Variants in BSN observed in about 807,000 individuals in gnomAD.
BSN encodes the protein protein bassoon.
A neutral mutation model predicts 264.8 loss-of-function variants in BSN; 57 were observed. The ratio of observed to expected loss-of-function variants is 0.22; its 90% confidence interval spans 0.17 to 0.27. The LOEUF (loss-of-function observed/expected upper bound fraction) is 0.27. BSN is among the 10% of genes least tolerant of loss of function. The pLI is 1.00. For synonymous variants in BSN, 2,059 were observed against 2,137.3 expected (o/e 0.96, Z 1.01); for missense variants, 4,615 against 5,232.5 (o/e 0.88, Z 3.64).
intron 3 of BSN, among the ~76,000 whole-genome samples, chr3:49,650,175 C>G (rs1386884217): frequency 6.6e-6 from 1 of 152,180 alleles, no homozygotes; most frequent in Non-Finnish European, 1.5e-5. Context: ...CATAGTGCCT[C>G]CAGGAAGTGC....
Position 49,651,786 on chromosome 3 carries a change from G to A in BSN, c.2230G>A (p.Glu744Lys). 1 of 1,613,282 alleles carries A rather than the reference G, an allele frequency of 6.2e-7. No individual in the cohort carries two copies. The highest frequency in any genetic ancestry group is 8.5e-7 in the Non-Finnish European group (1 of 1,179,992). ...GCAGGCCCAGGGCCTGGCCCCAAGT[G>A]AGCGGAGCAAGCCACTCTCCAGCGG... The part of the protein sequence containing the change: ...LLQAQGLAPS[E>K]RSKPLSSGTG... The change falls in exon 5 of 12, where the codon GAG (glutamate) becomes AAG (lysine). Residue 744 changes from glutamate to lysine, a missense_variant. Transcript: ENST00000296452. The surrounding 1 kb of genome is among the most constrained non-coding windows in gnomAD (Gnocchi z 5.4).
At chr3:49,556,333 G>A (rs1442765748) in intron 1 of BSN, among the ~76,000 whole-genome samples, 1 of 152,178 alleles carries the variant, frequency 6.6e-6, no homozygotes, top group Non-Finnish European at 1.5e-5. Context: ...TGAAATTCTG[G>A]AAAGACCTGG....
rs780660359 is a variant in BSN at position 49,663,808 on chromosome 3, G to A, written c.11530G>A (p.Gly3844Ser). The change falls in exon 8 of 12, where the codon GGC (glycine) becomes AGC (serine). Residue 3844 changes from glycine to serine, a missense_variant. Coordinates refer to ENST00000296452, the MANE Select transcript of BSN (RefSeq NM_003458.4). ...GCAGCCACGGGCAGAACAGACAAATGGCTCTAAAGGGACAGCCAAAGCACC... is the reference window on the plus strand; with the variant it reads ...GCAGCCACGGGCAGAACAGACAAATAGCTCTAAAGGGACAGCCAAAGCACC... ...AGPPRAEQTNGSKGTAKAPQQ... is the reference protein window; with the variant it reads ...AGPPRAEQTNSSKGTAKAPQQ... The A allele has an allele frequency of 1.2e-6, 2 of 1,614,154 alleles. No individual in the cohort carries two copies. The highest frequency in any genetic ancestry group is 1.7e-6 in the Non-Finnish European group (2 of 1,180,018).
chr3:49,558,562 A>T (rs1282895506), intron 1 of BSN, among the ~76,000 whole-genome samples: 1 of 152,246 alleles, frequency 6.6e-6, no homozygotes, highest in Non-Finnish European at 1.5e-5. Context: ...GACTTGTTAC[A>T]TTATATCAGC....
chr3:49,613,666 CTT>C (rs71627401), intron 1 of BSN, among the ~76,000 whole-genome samples: 6 of 143,068 alleles, frequency 4.2e-5, no homozygotes, highest in African/African-American at 5.2e-5. Flanking sequence ...GGCTAATTTT[CTT>C]TTTTTTTTTT....
At chr3:49,637,221 C>T (rs1453659006) in intron 2 of BSN, among the ~76,000 whole-genome samples, 1 of 152,204 alleles carries the variant, frequency 6.6e-6, no homozygotes, top group Non-Finnish European at 1.5e-5. Context: ...GTGACGTCTG[C>T]AACCTTCCTT....
At chr3:49,603,256 C>T (rs994475207) in intron 1 of BSN, among the ~76,000 whole-genome samples, 1 of 152,198 alleles carries the variant, frequency 6.6e-6, no homozygotes, top group Non-Finnish European at 1.5e-5. Flanking sequence ...AGGAAGTGTG[C>T]TTGCCTCTGT....
intron 2 of BSN, among the ~76,000 whole-genome samples, chr3:49,634,917 C>G (rs141532042): frequency 6.7e-4 from 102 of 152,236 alleles, no homozygotes; most frequent in African/African-American, 2.3e-3. Flanking sequence ...CGCCCAGCTG[C>G]TATGTGAAGA....
intron 6 of BSN, 103 bp from the exon 7 acceptor site, chr3:49,662,773 T>C (rs2052672454): frequency 6.9e-7 from 1 of 1,452,760 alleles, no homozygotes; most frequent in Non-Finnish European, 9.2e-7. Context: ...GATCTGCTTG[T>C]GGCTGTGGCA....
Position 49,642,220 on chromosome 3 carries a change from T to C in BSN, c.634-48T>C. On this transcript the variant is annotated intron_variant, in intron 2 of 11. Coordinates refer to ENST00000296452, the MANE Select transcript of BSN (RefSeq NM_003458.4). This position sits in a 1 kb window ranked among gnomAD's most constrained non-coding sequence, Gnocchi z 7.0. ...GGCCTGCACTGACCTGGGCCATGAG[T>C]ACTGCCAATCCTGGCCACCCTGCTG... The C allele has an allele frequency of 7.0e-7, 1 of 1,437,180 alleles. No individual in the cohort carries two copies. Among genetic ancestry groups the C allele is most frequent in the Non-Finnish European group, 9.3e-7 (1 of 1,080,466 alleles). The allele number at this position is 1,437,180 out of a possible 1,614,324, so 89.0% of individuals were successfully genotyped here.
At chr3:49,644,213 G>A (rs1334537051) in intron 3 of BSN, among the ~76,000 whole-genome samples, 1 of 152,190 alleles carries the variant, frequency 6.6e-6, no homozygotes, top group Admixed American at 6.5e-5. Context: ...TCTTGCACAT[G>A]GGGAGCCACC....
At position 49,663,658 on chromosome 3, in the gene BSN, G is replaced by C. The variant is rs758198010; in HGVS notation, c.11500G>C (p.Ala3834Pro). The C allele has an allele frequency of 1.9e-6, 3 of 1,604,180 alleles. No homozygotes were observed. In the South Asian group the frequency reaches 3.3e-5, roughly 18 times the overall value. ...CAGCACAGCCACAGGTCCTCAACCA[G>C]CAGGACCGGTAAGCAGAGCTCCCAT... ...GPSTATGPQPAGPPRAEQTNG... is the reference protein window; with the variant it reads ...GPSTATGPQPPGPPRAEQTNG... The change falls in exon 7 of 12, where the codon GCA becomes CCA. Residue 3834 changes from alanine to proline, a missense_variant. Physicochemically the swap from Ala to Pro is conservative, Grantham distance 27 (BLOSUM62 -1). Transcript: ENST00000296452.
At chr3:49,604,885 C>T (rs967666233) in intron 1 of BSN, among the ~76,000 whole-genome samples, 2 of 151,934 alleles carry the variant, frequency 1.3e-5, no homozygotes, top group African/African-American at 4.8e-5. Context: ...AATCCACAAC[C>T]CCGCCTCAAA....
At chr3:49,576,040 A>T (rs1457780433) in intron 1 of BSN, among the ~76,000 whole-genome samples, 2 of 152,150 alleles carry the variant, frequency 1.3e-5, no homozygotes, top group African/African-American at 4.8e-5. Flanking sequence ...TTTTCAGAGA[A>T]TTAGCTGTTT....
intron 2 of BSN, among the ~76,000 whole-genome samples, chr3:49,632,018 C>A (rs2052387069): frequency 6.6e-6 from 1 of 152,244 alleles, no homozygotes; most frequent in African/African-American, 2.4e-5. Context: ...CAGAAATAAA[C>A]CCTCACATAT....
At chr3:49,591,391 T>C (rs962698840) in intron 1 of BSN, among the ~76,000 whole-genome samples, 2 of 152,258 alleles carry the variant, frequency 1.3e-5, no homozygotes, top group African/African-American at 4.8e-5. Flanking sequence ...CTTACCTACC[T>C]AATTACCTTT....
chr3:49,652,492 A>G lies in BSN; in HGVS notation c.2936A>G (p.His979Arg). Residue 979 changes from histidine to arginine, a missense_variant, in exon 5 of 12, where the codon CAC becomes CGC. His to Arg is a conservative substitution (Grantham distance 29). Transcript: ENST00000296452. ...GSPEDRSRGE[H>R]SSTLPASTPS... ...CCTGAGGACCGCTCCCGTGGTGAGC[A>G]CTCCTCTACATTGCCTGCCTCCACA... 6.2e-7 allele frequency: 1 copy of G among 1,613,488 alleles called. No individual in the cohort carries two copies. The highest frequency in any genetic ancestry group is 8.5e-7 in the Non-Finnish European group (1 of 1,179,918).
intron 9 of BSN, 93 bp from the exon 10 acceptor site, chr3:49,664,706 T>C (rs1249754322): frequency 1.3e-6 from 2 of 1,568,632 alleles, no homozygotes; most frequent in Admixed American, 1.7e-5. Flanking sequence ...CTCTGCCCCT[T>C]GGGCTGAGCT....
intron 1 of BSN, among the ~76,000 whole-genome samples, chr3:49,614,902 G>A (rs549597817): frequency 6.6e-6 from 1 of 152,116 alleles, no homozygotes; most frequent in Non-Finnish European, 1.5e-5. Context: ...TGGGGAATGA[G>A]GTCCCCAAGG....
Sources: gnomAD v4.1 joint callset for allele counts (sites outside exome capture counted in the v4.1 genomes callset) on GRCh38, gnomAD v4.1.1 for gene constraint, Gnocchi (gnomAD v3.1) non-coding constraint, MANE v1.5 for transcripts, NCBI Gene and HGNC (gene_info 2026-07-23, HGNC 2026-07-21) for gene names.